PAICS: variants seen among roughly 807,000 people sequenced by gnomAD.
The protein encoded by PAICS is phosphoribosylaminoimidazole carboxylase and phosphoribosylaminoimidazolesuccinocarboxamide synthase.
A neutral mutation model predicts 53.7 loss-of-function variants in PAICS; 33 were observed. The ratio of observed to expected loss-of-function variants is 0.61; its 90% confidence interval spans 0.47 to 0.82. The LOEUF is 0.82. PAICS is among the 40% of genes least tolerant of loss of function. The pLI is 0.00. For synonymous variants in PAICS, 141 were observed against 167.2 expected (o/e 0.84, Z 1.21); for missense variants, 394 against 494.1 (o/e 0.80, Z 1.92).
In PAICS at chr4:56,464,205, G is replaced by A. The variant is rs541918248; in HGVS notation, c.*4667G>A. On this transcript the variant is annotated 3_prime_UTR_variant, in exon 9 of 9. Coordinates refer to ENST00000512576, the MANE Select transcript of PAICS (RefSeq NM_001079524.2). ...CTCATAATCTGTACATATCCTATTG[G>A]TTCTGTATTTTTTAGAGAACAAATA... The A allele has an allele frequency of 6.6e-6, 1 of 152,200 alleles. No individual in the cohort carries two copies. Among genetic ancestry groups the A allele is most frequent in the African/African-American group, 2.4e-5 (1 of 41,532 alleles). The allele number at this position is 152,200 out of a possible 1,614,324, so 9.4% of individuals were successfully genotyped here.
chr4:56,440,050 G>A (rs768517076), intron 1 of PAICS, among the ~76,000 whole-genome samples: 8 of 152,118 alleles, frequency 5.3e-5, no homozygotes, highest in Admixed American at 3.3e-4. Context: ...TCCAAATAGC[G>A]TTTTGCTTTA....
the PAICS span, chr4:56,420,752 T>C: frequency 1.3e-5 from 2 of 152,168 alleles, no homozygotes; most frequent in Admixed American, 6.5e-5. Context: ...ATAAAATACA[T>C]GAGACTTTCT....
At chr4:56,437,657 C>A (rs149688947) in intron 1 of PAICS, among the ~76,000 whole-genome samples, 1,566 of 151,700 alleles carry the variant, frequency 0.01, 15 homozygotes, top group South Asian at 0.019. Flanking sequence ...CCCGGCTCTA[C>A]TAAAAATGCA....
chr4:56,436,398 G>T (rs562058132), intron 1 of PAICS, 70 bp downstream of exon 1: 7 of 1,239,922 alleles, frequency 5.6e-6, no homozygotes, highest in Admixed American at 3.9e-5. Flanking sequence ...GGCCACGTGC[G>T]AGCCGCGAAA....
At chr4:56,438,771 C>T (rs768086348) in intron 1 of PAICS, among the ~76,000 whole-genome samples, 2 of 152,056 alleles carry the variant, frequency 1.3e-5, no homozygotes, top group Non-Finnish European at 2.9e-5. Context: ...AAATACATTT[C>T]AACATGGAGT....
Position 56,446,329 on chromosome 4 carries a change from C to T in PAICS, c.215-366C>T, listed in dbSNP as rs780660173. On this transcript the variant is annotated intron_variant, in intron 2 of 8. Coordinates refer to ENST00000512576, the MANE Select transcript of PAICS (RefSeq NM_001079524.2). The stretch of plus-strand genomic sequence containing the variant: ...CTCAGCCCTTGGTAACTTCCATTCT[C>T]TTTTCTGTCTGAATTTGCCTATTCT... 7.1e-5 allele frequency: 51 copies of T among 717,342 alleles called. 1 individual carries two copies. Among genetic ancestry groups the T allele is most frequent in the Non-Finnish European group, 6.8e-5 (26 of 384,796 alleles). The allele number at this position is 717,342 out of a possible 1,614,324, so 44.4% of individuals were successfully genotyped here.
chr4:56,438,371 T>TTATATATATATATATATATATA (rs61681463), intron 1 of PAICS, among the ~76,000 whole-genome samples: 5 of 113,636 alleles, frequency 4.4e-5, no homozygotes, highest in African/African-American at 6.0e-5. Context: ...TGCAATGTGT[T>TTATATATATATATATATATATA]TATATATATA....
chr4:56,427,937 G>A, the PAICS span, among the ~76,000 whole-genome samples: 2 of 152,150 alleles, frequency 1.3e-5, no homozygotes, highest in East Asian at 3.8e-4. Context: ...GAGAAAGAAG[G>A]AAAATGTCTA....
intron 1 of PAICS, among the ~76,000 whole-genome samples, chr4:56,437,729 G>A (rs1377155293): frequency 6.9e-6 from 1 of 145,528 alleles, no homozygotes; most frequent in Non-Finnish European, 1.5e-5. Flanking sequence ...CCTGAGGCAG[G>A]AGAATCACTT....
intron 2 of PAICS, chr4:56,446,329 C>G: frequency 1.4e-6 from 1 of 717,460 alleles, no homozygotes; most frequent in Non-Finnish European, 2.6e-6. Context: ...CTTCCATTCT[C>G]TTTTCTGTCT....
At chr4:56,434,152 C>T (rs1200388593), upstream of PAICS, among the ~76,000 whole-genome samples, 1 of 152,144 alleles carries the variant, frequency 6.6e-6, no homozygotes, top group African/African-American at 2.4e-5. Context: ...ATTGGAGCTA[C>T]GCAAGTTAAA....
intron 8 of PAICS, among the ~76,000 whole-genome samples, chr4:56,454,628 T>C (rs73157774): frequency 0.031 from 4,725 of 152,200 alleles, 167 homozygotes; most frequent in East Asian, 0.19. Flanking sequence ...CATCCTCCCT[T>C]TTTCCCTTTC....
At position 56,462,416 on chromosome 4, in the gene PAICS, C is replaced by T. The variant is rs186802055; in HGVS notation, c.*2878C>T. The T allele has an allele frequency of 1.3e-5, 2 of 152,324 alleles. No homozygotes were observed. Among genetic ancestry groups the T allele is most frequent in the Non-Finnish European group, 2.9e-5 (2 of 68,046 alleles). 9.4% of individuals were successfully genotyped at this position (152,324 alleles called of 1,614,324 possible). A position where few individuals can be genotyped will look rare whatever the true frequency, so the allele number is the denominator to read the frequency against. The stretch of plus-strand genomic sequence containing the variant: ...TCAGTTTGAGCAGAGGCTTGACATA[C>T]TTAACATATTTAAAGGTTCTCTGGC... On this transcript the variant is annotated 3_prime_UTR_variant, in exon 9 of 9. Transcript: ENST00000512576.
rs1016303361 is a variant in PAICS, at chr4:56,463,110, C to A, written c.*3572C>A. The stretch of plus-strand genomic sequence containing the variant: ...TGATGTGCCACGGAGCATCCACAAC[C>A]TGCCATTTCAGCCCAGCCAACCTTA... On this transcript the variant is annotated 3_prime_UTR_variant, in exon 9 of 9. Transcript: ENST00000512576. 1.3e-5 allele frequency: 2 copies of A among 152,138 alleles called. No homozygotes were observed. The highest frequency in any genetic ancestry group is 4.8e-5 in the African/African-American group (2 of 41,430). 9.4% of individuals were successfully genotyped at this position (152,138 alleles called of 1,614,324 possible).
upstream of PAICS, chr4:56,435,739 G>T: frequency 6.7e-7 from 1 of 1,484,700 alleles, no homozygotes; most frequent in Non-Finnish European, 8.9e-7. Flanking sequence ...CACGGATGCT[G>T]TAGGGTGGAG....
Position 56,450,788 on chromosome 4 carries a change from A to G in PAICS, c.771+86A>G, listed in dbSNP as rs1718870044. ...TCAAAAGAAAAAAAAATGGGAGAGT[A>G]TAGTGCTTTTCTTTTCAGTGACTTT... On this transcript the variant is annotated intron_variant, in intron 6 of 8. Transcript: ENST00000512576. The G allele has an allele frequency of 1.3e-5, 9 of 707,514 alleles. No homozygotes were observed. In the East Asian group the frequency reaches 1.4e-4, roughly 11 times the overall value. 43.8% of individuals were successfully genotyped at this position (707,514 alleles called of 1,614,324 possible).
chr4:56,416,385 A>T, the PAICS span: 4 of 906,508 alleles, frequency 4.4e-6, no homozygotes, highest in African/African-American at 7.2e-5. Flanking sequence ...GATAAGGAAG[A>T]TGTCTCAGGA....
intron 1 of PAICS, chr4:56,436,615 A>T: frequency 1.5e-6 from 1 of 671,726 alleles, no homozygotes; most frequent in South Asian, 1.5e-5. Flanking sequence ...CAAGCAAATC[A>T]GTCTTGATTC....
At chr4:56,457,763 C>A (rs1287731976) in intron 8 of PAICS, among the ~76,000 whole-genome samples, 1 of 151,602 alleles carries the variant, frequency 6.6e-6, no homozygotes, top group Non-Finnish European at 1.5e-5. Context: ...GATTCTCCTG[C>A]CTCAGCCTCC....
Sources: gnomAD v4.1 joint callset for allele counts (sites outside exome capture counted in the v4.1 genomes callset) on GRCh38, gnomAD v4.1.1 for gene constraint, MANE v1.5 for transcripts, NCBI Gene and HGNC (gene_info 2026-07-23, HGNC 2026-07-21) for gene names.